Variants in DTWD2 observed in about 807,000 individuals in gnomAD.
DTWD2 encodes DTW motif tRNA-uridine aminocarboxypropyltransferase 2.
In DTWD2, 39 loss-of-function variants were observed where a neutral mutation model predicts 31.8. The observed-to-expected ratio is 1.22, with a 90% CI of 0.95 to 1.60. DTWD2 has a LOEUF of 1.60. DTWD2 is among the 40% of genes most tolerant of loss of function. The pLI is 0.00. For synonymous variants in DTWD2, 180 were observed against 142.8 expected, an observed-to-expected ratio of 1.26 and a Z score of -1.86; for missense variants, 515 against 381.5, an observed-to-expected ratio of 1.35 and a Z score of -2.92.
intron 5 of DTWD2, 100 bp from the exon 6 acceptor site, chr5:118,841,187 T>A (rs1399432880): frequency 7.3e-7 from 1 of 1,371,530 alleles, no homozygotes; most frequent in Non-Finnish European, 9.8e-7. Flanking sequence ...GTTTCTTTTA[T>A]TATGATTGGC....
chr5:118,855,461 G>A (rs1752108964), intron 4 of DTWD2, among the ~76,000 whole-genome samples: 1 of 151,630 alleles, frequency 6.6e-6, no homozygotes, highest in Admixed American at 6.6e-5. Flanking sequence ...GTTGATTGCA[G>A]GCAACTGTTT....
chr5:118,983,747 A>G (rs1349386696), intron 1 of DTWD2, among the ~76,000 whole-genome samples: 1 of 152,248 alleles, frequency 6.6e-6, no homozygotes, highest in Non-Finnish European at 1.5e-5. Flanking sequence ...TTCTTCAGCA[A>G]GGAGCCTGGA....
At chr5:118,883,680 A>G (rs1233506012) in intron 4 of DTWD2, among the ~76,000 whole-genome samples, 1 of 152,156 alleles carries the variant, frequency 6.6e-6, no homozygotes, top group Non-Finnish European at 1.5e-5. Context: ...TGACACTTTT[A>G]TAACCATCAG....
intron 1 of DTWD2, among the ~76,000 whole-genome samples, chr5:118,982,484 T>G (rs1048607454): frequency 2.0e-5 from 3 of 152,172 alleles, no homozygotes; most frequent in Non-Finnish European, 4.4e-5. Flanking sequence ...TCAGTTAGCT[T>G]TCCACATATA....
At chr5:118,985,424 C>G (rs1367147527) in intron 1 of DTWD2, among the ~76,000 whole-genome samples, 1 of 146,064 alleles carries the variant, frequency 6.8e-6, no homozygotes. Context: ...TTACATATAC[C>G]CATCTAAGAA....
chr5:118,935,632 T>C (rs532387738), intron 3 of DTWD2, among the ~76,000 whole-genome samples: 4 of 152,292 alleles, frequency 2.6e-5, no homozygotes, highest in Non-Finnish European at 5.9e-5. Flanking sequence ...GGAAAAATGG[T>C]TGAGAGTTTT....
At chr5:118,841,312 C>G (rs1164135283) in intron 5 of DTWD2, among the ~76,000 whole-genome samples, 1 of 152,038 alleles carries the variant, frequency 6.6e-6, no homozygotes, top group African/African-American at 2.4e-5. Flanking sequence ...TAAAAAGATA[C>G]AAATACTGAT....
chr5:118,938,481 C>T (rs1417339259), intron 3 of DTWD2, among the ~76,000 whole-genome samples: 2 of 152,084 alleles, frequency 1.3e-5, no homozygotes, highest in Non-Finnish European at 2.9e-5. Flanking sequence ...CTAACAAAAG[C>T]CTAAATTAAT....
At chr5:118,863,024 C>T (rs1434531797) in intron 4 of DTWD2, among the ~76,000 whole-genome samples, 1 of 152,010 alleles carries the variant, frequency 6.6e-6, no homozygotes, top group East Asian at 2.0e-4. Context: ...GCTGACTTAG[C>T]CAAACCTGAA....
At chr5:118,960,272 CAT>C (rs1475098640) in intron 1 of DTWD2, among the ~76,000 whole-genome samples, 1 of 151,862 alleles carries the variant, frequency 6.6e-6, no homozygotes, top group African/African-American at 2.4e-5. Context: ...GAGCAAAAGA[CAT>C]AAACATTTTT....
chr5:118,849,330 C>T (rs1290425460), intron 4 of DTWD2, among the ~76,000 whole-genome samples: 2 of 152,108 alleles, frequency 1.3e-5, no homozygotes, highest in Non-Finnish European at 2.9e-5. Context: ...AATGAGATAC[C>T]ACCTCACTCC....
At chr5:118,893,286 G>C (rs2149561331) in intron 4 of DTWD2, among the ~76,000 whole-genome samples, 1 of 151,148 alleles carries the variant, frequency 6.6e-6, no homozygotes, top group African/African-American at 2.4e-5. Flanking sequence ...GCTTGAACCT[G>C]GGAAGTGGAG....
chr5:118,964,857 A>G (rs369305148), intron 1 of DTWD2, among the ~76,000 whole-genome samples: 52 of 152,102 alleles, frequency 3.4e-4, no homozygotes, highest in African/African-American at 1.1e-3. Context: ...CTGCCCGGCC[A>G]CCACCCCGTC....
rs1429805850 is a variant in DTWD2, at chr5:118,880,082, T to C, written c.598-31864A>G. On this transcript the variant is annotated intron_variant, in intron 4 of 5. Coordinates refer to ENST00000510708, the MANE Select transcript of DTWD2 (RefSeq NM_173666.4). ...AGATAACTACAAATGAAGAATTATA[T>C]TTTGACAGTTAAAAGAGAGTTTTAA... Among the ~76,000 whole-genome samples, 5 of 152,322 alleles carry C rather than the reference T, an allele frequency of 3.3e-5. No homozygotes were observed. In the East Asian group the frequency reaches 9.6e-4, roughly 29 times the overall value.
At chr5:118,856,722 A>G (rs1246063581) in intron 4 of DTWD2, among the ~76,000 whole-genome samples, 3 of 151,192 alleles carry the variant, frequency 2.0e-5, no homozygotes, top group African/African-American at 7.3e-5. Context: ...ATCAGTTTAT[A>G]AAGCTATTTT....
intron 3 of DTWD2, among the ~76,000 whole-genome samples, chr5:118,938,688 T>G (rs968450318): frequency 6.6e-6 from 1 of 151,544 alleles, no homozygotes; most frequent in African/African-American, 2.4e-5. Flanking sequence ...CACTCCAGAC[T>G]GGGCAACAAA....
chr5:118,839,432 G>A lies in DTWD2; in HGVS notation c.*1485C>T, dbSNP rs945615003. 4 of 152,062 alleles carry A rather than the reference G, an allele frequency of 2.6e-5. No individual in the cohort carries two copies. Among genetic ancestry groups the A allele is most frequent in the Non-Finnish European group, 5.9e-5 (4 of 68,020 alleles). 9.4% of individuals were successfully genotyped at this position (152,062 alleles called of 1,614,324 possible). On this transcript the variant is annotated 3_prime_UTR_variant, in exon 6 of 6. Transcript: ENST00000510708. ...TGCAGTGGAATGAACATAGCTCCTT[G>A]CAACCTTGATGTCCTGGGCTCCAGC...
At chr5:118,982,840 C>T (rs1755335923) in intron 1 of DTWD2, among the ~76,000 whole-genome samples, 2 of 151,906 alleles carry the variant, frequency 1.3e-5, no homozygotes, top group African/African-American at 2.4e-5. Context: ...AGGCACTCAC[C>T]ACCACGCCCG....
At chr5:118,972,615 A>G (rs1009650419) in intron 1 of DTWD2, among the ~76,000 whole-genome samples, 2 of 152,156 alleles carry the variant, frequency 1.3e-5, no homozygotes, top group Non-Finnish European at 2.9e-5. Context: ...CTCCTCCCAA[A>G]CTCATTTTAT....
Sources: gnomAD v4.1 joint callset for allele counts (sites outside exome capture counted in the v4.1 genomes callset) on GRCh38, gnomAD v4.1.1 for gene constraint, MANE v1.5 for transcripts, NCBI Gene and HGNC (gene_info 2026-07-23, HGNC 2026-07-21) for gene names.